Variants in TACR1 observed in about 807,000 individuals in gnomAD.
The protein encoded by TACR1 is substance-P receptor.
In TACR1, 25 loss-of-function variants were observed where a neutral mutation model predicts 35.8. The ratio of observed to expected loss-of-function variants is 0.70; its 90% confidence interval spans 0.51 to 0.98. The LOEUF is 0.98. Among genes scored for constraint, TACR1 ranks in the 50% least tolerant of loss-of-function variants. The probability of loss-of-function intolerance (pLI) is 0.00; values close to 1 mark genes in which losing one functional copy is unlikely to be tolerated. For missense variants in TACR1, 478 were observed against 522.9 expected (o/e 0.91, Z 0.84); for synonymous variants, 195 against 206.7 (o/e 0.94, Z 0.48).
chr2:75,073,811 G>C (rs1247794061), intron 2 of TACR1, among the ~76,000 whole-genome samples: 1 of 151,156 alleles, frequency 6.6e-6, no homozygotes, highest in Admixed American at 6.5e-5. Flanking sequence ...CCTCACATAG[G>C]AATGCCACTT....
At chr2:75,113,165 C>T (rs1673783720) in intron 2 of TACR1, among the ~76,000 whole-genome samples, 1 of 152,182 alleles carries the variant, frequency 6.6e-6, no homozygotes, top group African/African-American at 2.4e-5. Flanking sequence ...TACCTCCAAG[C>T]TGTATCAGTT....
At chr2:75,155,160 G>A (rs1389598179) in intron 1 of TACR1, among the ~76,000 whole-genome samples, 2 of 151,216 alleles carry the variant, frequency 1.3e-5, no homozygotes, top group Non-Finnish European at 2.9e-5. Context: ...CCAAGCCCCA[G>A]CATCTTTGCC....
intron 1 of TACR1, among the ~76,000 whole-genome samples, chr2:75,159,172 C>T (rs1674941104): frequency 6.6e-6 from 1 of 151,862 alleles, no homozygotes; most frequent in Non-Finnish European, 1.5e-5. Context: ...AATTTTAGGT[C>T]TGTAAAGGTT....
chr2:75,116,700 G>T (rs1673867910), intron 2 of TACR1, among the ~76,000 whole-genome samples: 1 of 152,136 alleles, frequency 6.6e-6, no homozygotes, highest in African/African-American at 2.4e-5. Context: ...CCTGAGGTCA[G>T]GAGTTCAAGA....
intron 1 of TACR1, among the ~76,000 whole-genome samples, chr2:75,138,406 A>G (rs919879401): frequency 1.3e-5 from 2 of 152,176 alleles, no homozygotes; most frequent in East Asian, 3.9e-4. Flanking sequence ...GAATAAAACT[A>G]CCTAGCCTGG....
At chr2:75,123,245 G>T (rs1381539559) in intron 1 of TACR1, among the ~76,000 whole-genome samples, 2 of 144,504 alleles carry the variant, frequency 1.4e-5, no homozygotes, top group African/African-American at 2.6e-5. Context: ...AGGCTTCACA[G>T]GAACTTGAGG....
chr2:75,127,535 G>T (rs944006828), intron 1 of TACR1, among the ~76,000 whole-genome samples: 1 of 152,122 alleles, frequency 6.6e-6, no homozygotes, highest in African/African-American at 2.4e-5. Context: ...TAGCAAGGGC[G>T]CCATCAACAA....
chr2:75,094,859 A>ATATATATTTTTTTTTTTTTTTT, intron 2 of TACR1, among the ~76,000 whole-genome samples: 1 of 113,134 alleles, frequency 8.8e-6, no homozygotes, highest in African/African-American at 4.8e-5. Flanking sequence ...ATATATATAT[A>ATATATATTTTTTTTTTTTTTTT]TTTTTTTTTT....
rs1558575054 is a variant in TACR1, at chr2:75,159,312, G to T, written c.390-38544C>A. Among the ~76,000 whole-genome samples the T allele has an allele frequency of 6.6e-5, 10 of 152,230 alleles. No homozygotes were observed. The South Asian group carries it at 2.1e-3, about 32-fold the overall frequency. On this transcript the variant is annotated intron_variant, in intron 1 of 4. Transcript: ENST00000305249. ...AAGACATGTGAAAAGGAGGCTACTGGTAAGTACAGAACTCAGTTAAATGTA... is the reference window on the plus strand; with the variant it reads ...AAGACATGTGAAAAGGAGGCTACTGTTAAGTACAGAACTCAGTTAAATGTA...
At chr2:75,173,971 G>C (rs1034093831) in intron 1 of TACR1, among the ~76,000 whole-genome samples, 7 of 152,164 alleles carry the variant, frequency 4.6e-5, no homozygotes, top group Non-Finnish European at 5.9e-5. Flanking sequence ...TCCCTGGTGA[G>C]GGCTAATTAC....
intron 1 of TACR1, among the ~76,000 whole-genome samples, chr2:75,128,703 G>A (rs1674124624): frequency 6.6e-6 from 1 of 152,194 alleles, no homozygotes; most frequent in Non-Finnish European, 1.5e-5. Flanking sequence ...TAACACAATG[G>A]AAGGTGAGTA....
At chr2:75,086,037 TC>T (rs1673182275) in intron 2 of TACR1, among the ~76,000 whole-genome samples, 1 of 152,222 alleles carries the variant, frequency 6.6e-6, no homozygotes, top group Admixed American at 6.5e-5. Flanking sequence ...TTCCCAGAGA[TC>T]AAGAGCTCTT....
intron 2 of TACR1, among the ~76,000 whole-genome samples, chr2:75,099,895 C>G (rs547532328): frequency 1.3e-4 from 20 of 152,282 alleles, no homozygotes; most frequent in African/African-American, 4.6e-4. Context: ...TACCTCAGAC[C>G]TCACAGAACA....
chr2:75,176,869 A>T (rs1483047999), intron 1 of TACR1, among the ~76,000 whole-genome samples: 1 of 152,092 alleles, frequency 6.6e-6, no homozygotes. Flanking sequence ...CTAGGCTTTT[A>T]TCTCCAATAT....
intron 2 of TACR1, among the ~76,000 whole-genome samples, chr2:75,055,615 A>ATAT (rs1394160513): frequency 2.6e-5 from 4 of 152,254 alleles, no homozygotes; most frequent in Admixed American, 2.6e-4. Flanking sequence ...ATGCAGACTA[A>ATAT]TAGTTTGTGA....
At position 75,105,459 on chromosome 2, in the gene TACR1, C is replaced by T. The variant is rs572971503; in HGVS notation, c.584+15115G>A. Among the ~76,000 whole-genome samples the T allele has an allele frequency of 2.0e-5, 3 of 152,032 alleles. No individual in the cohort carries two copies. In the South Asian group the frequency reaches 6.2e-4, roughly 32 times the overall value. On this transcript the variant is annotated intron_variant, in intron 2 of 4. Transcript: ENST00000305249. ...TAAGTTGCAGCAATCTATTGTATAA[C>T]ATAATGACTATAGTTAATAATAATG...
In TACR1 at chr2:75,070,233, ATGTGTGTG is replaced by A. The variant is rs758460934; in HGVS notation, c.585-16486_585-16479del. On this transcript the variant is annotated intron_variant, in intron 2 of 4. Coordinates refer to ENST00000305249, the MANE Select transcript of TACR1 (RefSeq NM_001058.4). ...ACATTGTATGTATGTGTGTGTGTGTATGTGTGTGTGTGTGTGTGTATGTGTGTGTGTGT... is the reference window on the plus strand; with the variant it reads ...ACATTGTATGTATGTGTGTGTGTGTATGTGTGTGTGTATGTGTGTGTGTGT... 1.0e-4 allele frequency among the ~76,000 whole-genome samples: 9 copies of A among 90,136 alleles called. No homozygotes were observed. In the East Asian group the frequency reaches 3.7e-3, roughly 37 times the overall value. 59.1% of individuals were successfully genotyped at this position (90,136 alleles called of 152,430 possible).
intron 2 of TACR1, among the ~76,000 whole-genome samples, chr2:75,068,219 G>GT (rs36098903): frequency 0.25 from 37,710 of 152,100 alleles, 5,996 homozygotes; most frequent in African/African-American, 0.42. Flanking sequence ...GGGAACTCAG[G>GT]TAAGAGTTGA....
intron 2 of TACR1, among the ~76,000 whole-genome samples, chr2:75,074,491 CTTG>C (rs1672941090): frequency 6.6e-6 from 1 of 152,110 alleles, no homozygotes. Context: ...GGCCCTAGAG[CTTG>C]TTGTGTCAGC....
Sources: gnomAD v4.1 joint callset for allele counts (sites outside exome capture counted in the v4.1 genomes callset) on GRCh38, gnomAD v4.1.1 for gene constraint, MANE v1.5 for transcripts, NCBI Gene and HGNC (gene_info 2026-07-23, HGNC 2026-07-21) for gene names.